STPG2: variants seen among roughly 807,000 people sequenced by gnomAD.
STPG2 encodes sperm tail PG-rich repeat containing 2.
A neutral mutation model predicts 54.2 loss-of-function variants in STPG2; 56 were observed. That is an observed-to-expected ratio of 1.03 (90% confidence interval 0.83 to 1.29). The LOEUF is 1.29. Ranked by LOEUF, STPG2 falls within the 50% of genes most tolerant of loss-of-function variation. STPG2 has a pLI of 0.00. For synonymous variants in STPG2, 200 were observed against 181.8 expected, an observed-to-expected ratio of 1.10 and a Z score of -0.81; for missense variants, 596 against 544.9, an observed-to-expected ratio of 1.09 and a Z score of -0.93.
chr4:97,485,146 C>G (rs1332679331), intron 4 of STPG2, among the ~76,000 whole-genome samples: 2 of 151,714 alleles, frequency 1.3e-5, no homozygotes, highest in East Asian at 1.9e-4. Context: ...AGAACTGGAA[C>G]AAGAGAAGGA....
chr4:97,956,664 T>C (rs1733686992), intron 7 of STPG2, among the ~76,000 whole-genome samples: 1 of 152,084 alleles, frequency 6.6e-6, no homozygotes, highest in Admixed American at 6.5e-5. Flanking sequence ...CAACCCCCAG[T>C]AGCAGCCCAG....
chr4:97,864,528 T>C (rs1729687315), intron 8 of STPG2, among the ~76,000 whole-genome samples: 1 of 152,044 alleles, frequency 6.6e-6, no homozygotes, highest in African/African-American at 2.4e-5. Flanking sequence ...AGGTAATTTA[T>C]ACATTCAATG....
chr4:98,072,642 G>A (rs1308066309), intron 5 of STPG2, among the ~76,000 whole-genome samples: 1 of 150,546 alleles, frequency 6.6e-6, no homozygotes, highest in East Asian at 1.9e-4. Flanking sequence ...ACTAATTTCA[G>A]TAATTCTCTC....
chr4:97,524,330 T>C (rs1731239050), intron 4 of STPG2, among the ~76,000 whole-genome samples: 2 of 151,994 alleles, frequency 1.3e-5, no homozygotes, highest in Admixed American at 1.3e-4. Flanking sequence ...TTCTTTTTAG[T>C]TGGTGGTCTG....
chr4:97,626,076 C>T (rs2136081), intron 10 of STPG2, among the ~76,000 whole-genome samples: 73,751 of 152,050 alleles, frequency 0.49, 19,894 homozygotes, highest in South Asian at 0.65. Context: ...TAGTCATCTT[C>T]AAGTACACAA....
rs374815223 is a variant in STPG2 at position 97,812,461 on chromosome 4, A to T, written c.1204+28312T>A. On this transcript the variant is annotated intron_variant, in intron 9 of 10. Transcript: ENST00000295268. Reference sequence around the variant, plus strand: ...CTTCTAAAATTGGATATCATAAAGTAATTTTAATTCAGTATATCTAAGAGG... The same window carrying T: ...CTTCTAAAATTGGATATCATAAAGTTATTTTAATTCAGTATATCTAAGAGG... Among the ~76,000 whole-genome samples, 43 of 152,276 alleles carry T rather than the reference A, an allele frequency of 2.8e-4. No homozygotes were observed. In the East Asian group the frequency reaches 8.3e-3, roughly 29 times the overall value.
chr4:97,543,760 C>A (rs1313554096), intron 4 of STPG2, among the ~76,000 whole-genome samples: 2 of 151,952 alleles, frequency 1.3e-5, no homozygotes, highest in African/African-American at 4.8e-5. Context: ...GATTATATGA[C>A]CCTTAATTTT....
chr4:97,818,076 C>T (rs1298569604), intron 9 of STPG2, among the ~76,000 whole-genome samples: 2 of 151,736 alleles, frequency 1.3e-5, no homozygotes, highest in Non-Finnish European at 2.9e-5. Flanking sequence ...CTGTTTGTAC[C>T]TCTTAGGCCA....
chr4:97,773,991 TA>T (rs1726296007), intron 9 of STPG2, among the ~76,000 whole-genome samples: 1 of 93,068 alleles, frequency 1.1e-5, no homozygotes, highest in Non-Finnish European at 2.5e-5. Context: ...CTCTAAAATA[TA>T]GGGTGTGTGT....
chr4:98,031,378 A>G (rs1489496471), intron 5 of STPG2, among the ~76,000 whole-genome samples: 1 of 152,174 alleles, frequency 6.6e-6, no homozygotes, highest in Non-Finnish European at 1.5e-5. Flanking sequence ...AGCAAATGCA[A>G]TTTTAAAAAA....
intron 9 of STPG2, among the ~76,000 whole-genome samples, chr4:97,784,158 C>CA (rs1726749267): frequency 6.7e-6 from 1 of 150,210 alleles, no homozygotes; most frequent in Non-Finnish European, 1.5e-5. Flanking sequence ...ACAACAACAA[C>CA]AAAAAAGAAT....
At chr4:97,702,745 AG>A (rs1484169350) in intron 10 of STPG2, among the ~76,000 whole-genome samples, 6 of 152,160 alleles carry the variant, frequency 3.9e-5, no homozygotes, top group African/African-American at 1.4e-4. Context: ...CAGCTTCATC[AG>A]GGTCCTCCCA....
At chr4:97,716,138 G>A (rs1456413376) in intron 9 of STPG2, among the ~76,000 whole-genome samples, 1 of 152,164 alleles carries the variant, frequency 6.6e-6, no homozygotes, top group Non-Finnish European at 1.5e-5. Context: ...AAACCACAGT[G>A]AGGTACCATC....
intron 4 of STPG2, among the ~76,000 whole-genome samples, chr4:97,481,485 AATAAAGT>A (rs1466720232): frequency 6.6e-6 from 1 of 151,596 alleles, no homozygotes; most frequent in African/African-American, 2.4e-5. Context: ...CTAATCTATT[AATAAAGT>A]ATAAAGATTT....
At chr4:98,047,271 C>G (rs1737159016) in intron 5 of STPG2, among the ~76,000 whole-genome samples, 1 of 152,146 alleles carries the variant, frequency 6.6e-6, no homozygotes, top group Admixed American at 6.5e-5. Context: ...GATAAACTGA[C>G]AAGGAGAAGC....
chr4:97,457,071 C>T (rs556682606), intron 4 of STPG2, among the ~76,000 whole-genome samples: 69 of 152,046 alleles, frequency 4.5e-4, no homozygotes, highest in Middle Eastern at 3.4e-3. Context: ...CCTACTGATC[C>T]GAATGATCAA....
At chr4:97,572,853 T>C (rs909493855) in intron 10 of STPG2, 1 of 152,140 alleles carries the variant, frequency 6.6e-6, no homozygotes, top group Non-Finnish European at 1.5e-5. Flanking sequence ...AAAACATGGT[T>C]AGTATTAGAG....
At chr4:97,471,460 A>G (rs772570854) in intron 4 of STPG2, among the ~76,000 whole-genome samples, 3 of 152,192 alleles carry the variant, frequency 2.0e-5, no homozygotes, top group Admixed American at 6.6e-5. Flanking sequence ...TAATAATTCA[A>G]TGTTTTGCAA....
At chr4:97,797,073 T>C (rs1727211920) in intron 9 of STPG2, among the ~76,000 whole-genome samples, 1 of 152,246 alleles carries the variant, frequency 6.6e-6, no homozygotes, top group Non-Finnish European at 1.5e-5. Flanking sequence ...CTTATCAGCT[T>C]AAAGAGATTT....
Sources: gnomAD v4.1 joint callset for allele counts (sites outside exome capture counted in the v4.1 genomes callset) on GRCh38, gnomAD v4.1.1 for gene constraint, MANE v1.5 for transcripts, NCBI Gene and HGNC (gene_info 2026-07-23, HGNC 2026-07-21) for gene names.